Variants in PID1 observed in about 807,000 individuals in gnomAD.
PID1 encodes the protein PTB-containing, cubilin and LRP1-interacting protein.
Under a neutral mutation model 19.1 loss-of-function variants are expected in PID1, and 10 were observed. The observed-to-expected ratio is 0.52, with a 90% CI of 0.32 to 0.89. The LOEUF (loss-of-function observed/expected upper bound fraction) is 0.89. Among genes scored for constraint, PID1 ranks in the 40% least tolerant of loss-of-function variants. The pLI is 0.03. For synonymous variants in PID1, 130 were observed against 116.0 expected (o/e 1.12, Z -0.78); for missense variants, 248 against 285.3 (o/e 0.87, Z 0.94).
At chr2:229,212,991 T>G (rs1691771025) in intron 1 of PID1, among the ~76,000 whole-genome samples, 2 of 152,236 alleles carry the variant, frequency 1.3e-5, no homozygotes, top group African/African-American at 4.8e-5. Context: ...CAACAAAAAT[T>G]AATGATGCTA....
chr2:229,261,055 T>G (rs1456133025), intron 1 of PID1, among the ~76,000 whole-genome samples: 1 of 152,080 alleles, frequency 6.6e-6, no homozygotes, highest in East Asian at 1.9e-4. Flanking sequence ...AATCTTGACA[T>G]AGAGACACAC....
At chr2:229,201,090 C>T (rs764244504) in intron 1 of PID1, among the ~76,000 whole-genome samples, 3 of 152,032 alleles carry the variant, frequency 2.0e-5, no homozygotes, top group Non-Finnish European at 2.9e-5. Flanking sequence ...AAATCATCTT[C>T]CCTTTTTCTA....
At chr2:229,178,132 A>T (rs928445851) in intron 1 of PID1, among the ~76,000 whole-genome samples, 3 of 152,246 alleles carry the variant, frequency 2.0e-5, no homozygotes, top group African/African-American at 7.2e-5. Flanking sequence ...CAGTTATTTT[A>T]ATCAAATCCC....
At chr2:229,227,142 A>C (rs1049325776) in intron 1 of PID1, among the ~76,000 whole-genome samples, 1 of 152,184 alleles carries the variant, frequency 6.6e-6, no homozygotes, top group Non-Finnish European at 1.5e-5. Context: ...AAAGGACTTG[A>C]CCTCCCAAAT....
At chr2:229,141,840 A>G (rs1690018533) in intron 2 of PID1, among the ~76,000 whole-genome samples, 1 of 151,914 alleles carries the variant, frequency 6.6e-6, no homozygotes, top group Non-Finnish European at 1.5e-5. Flanking sequence ...GTACGCACAG[A>G]AGCCCAGACA....
intron 1 of PID1, among the ~76,000 whole-genome samples, chr2:229,249,972 G>A (rs774311783): frequency 2.0e-5 from 3 of 152,236 alleles, no homozygotes; most frequent in Non-Finnish European, 4.4e-5. Flanking sequence ...AGAGAGAGAT[G>A]AAGAAGATGG....
chr2:229,075,446 A>T (rs1204820597), intron 2 of PID1, among the ~76,000 whole-genome samples: 2 of 152,228 alleles, frequency 1.3e-5, no homozygotes, highest in Admixed American at 1.3e-4. Context: ...CATATCAGTG[A>T]ACACTGACTA....
At chr2:229,226,552 T>C (rs1482825445) in intron 1 of PID1, among the ~76,000 whole-genome samples, 7 of 152,208 alleles carry the variant, frequency 4.6e-5, no homozygotes, top group Non-Finnish European at 1.0e-4. Flanking sequence ...TGATGTTTCC[T>C]ATTAGCACAT....
At chr2:229,058,727 GAA>G (rs5839294) in intron 2 of PID1, among the ~76,000 whole-genome samples, 26 of 134,758 alleles carry the variant, frequency 1.9e-4, no homozygotes, top group African/African-American at 6.4e-4. Flanking sequence ...GTAATAATTT[GAA>G]AAAAAAAAAA....
At chr2:229,093,566 G>T (rs1250629238) in intron 2 of PID1, among the ~76,000 whole-genome samples, 3 of 152,158 alleles carry the variant, frequency 2.0e-5, no homozygotes, top group Non-Finnish European at 2.9e-5. Context: ...TGCAGATCTT[G>T]GTTGAGCTTA....
At chr2:229,245,553 G>C (rs1185470024) in intron 1 of PID1, among the ~76,000 whole-genome samples, 1 of 152,158 alleles carries the variant, frequency 6.6e-6, no homozygotes, top group Admixed American at 6.5e-5. Flanking sequence ...CTATTACTTA[G>C]AGTGCAAATT....
intron 2 of PID1, among the ~76,000 whole-genome samples, chr2:229,139,048 AG>A (rs1689933975): frequency 2.7e-5 from 2 of 73,292 alleles, no homozygotes; most frequent in African/African-American, 1.0e-4. Context: ...AGAGAAAGAA[AG>A]AAAGAAAGAG....
chr2:229,218,354 A>C (rs1343667429), intron 1 of PID1, among the ~76,000 whole-genome samples: 3 of 151,808 alleles, frequency 2.0e-5, no homozygotes, highest in African/African-American at 7.3e-5. Context: ...GAAATCACTG[A>C]CAATCTTCAC....
At chr2:229,137,224 T>G (rs1187911020) in intron 2 of PID1, among the ~76,000 whole-genome samples, 1 of 152,190 alleles carries the variant, frequency 6.6e-6, no homozygotes, top group African/African-American at 2.4e-5. Flanking sequence ...TTAATACATT[T>G]GAGAGGATCC....
At chr2:229,139,115 G>GAAAGAGAAAGAAAGAAAGAAAGAA (rs1210728895) in intron 2 of PID1, among the ~76,000 whole-genome samples, 1 of 48,064 alleles carries the variant, frequency 2.1e-5, no homozygotes, top group African/African-American at 9.5e-5. Flanking sequence ...AAGAAAGAAA[G>GAAAGAGAAAGAAAGAAAGAAAGAA]AGAAAGAAAG....
intron 1 of PID1, among the ~76,000 whole-genome samples, chr2:229,248,026 C>T (rs1239768416): frequency 2.0e-5 from 3 of 152,112 alleles, no homozygotes; most frequent in Admixed American, 6.6e-5. Flanking sequence ...CTCCCTTTAC[C>T]CACATGCATT....
chr2:229,184,376 ATATC>A lies in PID1; in HGVS notation c.31-28416_31-28413del, dbSNP rs1419620508. 1.5e-5 allele frequency among the ~76,000 whole-genome samples: 2 copies of A among 129,558 alleles called. 1 individual carries two copies. Among genetic ancestry groups the A allele is most frequent in the African/African-American group, 5.9e-5 (2 of 33,914 alleles). The allele number at this position is 129,558 out of a possible 152,430, so 85.0% of individuals were successfully genotyped here. On this transcript the variant is annotated intron_variant, in intron 1 of 2. Transcript: ENST00000392055. ...TATATCACACATATATATCCCATAT[ATATC>A]TATCCCGTATATATCTATCCCGTAT...
chr2:229,170,245 A>C (rs1382938554), intron 1 of PID1, among the ~76,000 whole-genome samples: 1 of 152,194 alleles, frequency 6.6e-6, no homozygotes, highest in Non-Finnish European at 1.5e-5. Context: ...AGAGAGAGAC[A>C]ACATGAGTGT....
intron 1 of PID1, among the ~76,000 whole-genome samples, chr2:229,176,493 C>A (rs910094933): frequency 5.3e-5 from 8 of 152,180 alleles, no homozygotes; most frequent in Non-Finnish European, 1.0e-4. Flanking sequence ...ATTTTGAAAA[C>A]CCTAGTCAAT....
Sources: gnomAD v4.1 joint callset for allele counts (sites outside exome capture counted in the v4.1 genomes callset) on GRCh38, gnomAD v4.1.1 for gene constraint, MANE v1.5 for transcripts, NCBI Gene and HGNC (gene_info 2026-07-23, HGNC 2026-07-21) for gene names.